Variants in SEH1L observed in about 807,000 individuals in gnomAD.
The protein encoded by SEH1L is nucleoporin SEH1.
Under a neutral mutation model 49.5 loss-of-function variants are expected in SEH1L, and 18 were observed. The observed-to-expected ratio is 0.36, with a 90% CI of 0.25 to 0.54. The LOEUF is 0.54. SEH1L is among the 20% of genes least tolerant of loss of function. SEH1L has a pLI of 0.87. For synonymous variants in SEH1L, 169 were observed against 178.1 expected (o/e 0.95, Z 0.41); for missense variants, 404 against 528.8 (o/e 0.76, Z 2.31).
chr18:12,948,109 C>A lies in SEH1L; in HGVS notation c.-13C>A. 1 of 1,602,490 alleles carries A rather than the reference C, an allele frequency of 6.2e-7. No individual in the cohort carries two copies. On this transcript the variant is annotated 5_prime_UTR_variant, in exon 1 of 9. Transcript: ENST00000399892. Reference sequence around the variant, plus strand: ...CCACTGTCCTCTTCGGAGGCGCGGGCCCGACGGAAACCATGTTTGTGGCTC... The same window carrying A: ...CCACTGTCCTCTTCGGAGGCGCGGGACCGACGGAAACCATGTTTGTGGCTC...
intron 5 of SEH1L, 28 bp downstream of exon 5, chr18:12,971,279 G>C: frequency 7.5e-7 from 1 of 1,328,092 alleles, no homozygotes; most frequent in Non-Finnish European, 1.1e-6. Flanking sequence ...TTTAATAATT[G>C]TTCAGAATTG....
intron 3 of SEH1L, among the ~76,000 whole-genome samples, chr18:12,961,957 C>T (rs1364041256): frequency 6.6e-6 from 1 of 152,180 alleles, no homozygotes; most frequent in Non-Finnish European, 1.5e-5. Context: ...TGAGCTACTG[C>T]ACCTGAGCTT....
At chr18:12,959,393 G>C (rs2031062477) in intron 3 of SEH1L, among the ~76,000 whole-genome samples, 2 of 152,132 alleles carry the variant, frequency 1.3e-5, no homozygotes, top group South Asian at 4.1e-4. Flanking sequence ...AGTTGCCCAG[G>C]CTGGTCTTGA....
chr18:12,962,465 T>TC (rs1394549313), intron 3 of SEH1L, among the ~76,000 whole-genome samples: 6 of 122,684 alleles, frequency 4.9e-5, no homozygotes, highest in African/African-American at 1.6e-4. Flanking sequence ...CTTTCTTTTT[T>TC]TTTTTTTTTT....
chr18:12,980,942 G>A (rs1278763485), intron 6 of SEH1L, among the ~76,000 whole-genome samples: 5 of 150,672 alleles, frequency 3.3e-5, no homozygotes, highest in Non-Finnish European at 7.4e-5. Context: ...CTCCCTCCCG[G>A]ACGGGGTGGC....
Position 12,975,972 on chromosome 18 carries a change from T to C in SEH1L, c.621-2780T>C, listed in dbSNP as rs149480857. On this transcript the variant is annotated intron_variant, in intron 5 of 8. Transcript: ENST00000399892. ...AGGAGTGAATGTGGTAAGCACAATT[T>C]ATTTCAGACATATGTTTGAGGTGCG... is the stretch of plus-strand genomic sequence containing the variant. The C allele has an allele frequency of 1.9e-4, 131 of 675,548 alleles. No homozygotes were observed. The African/African-American group carries it at 2.4e-3, about 12-fold the overall frequency. 41.8% of individuals were successfully genotyped at this position (675,548 alleles called of 1,614,324 possible). A position where few individuals can be genotyped will look rare whatever the true frequency, so the allele number is the denominator to read the frequency against.
At chr18:12,956,187 G>A (rs987407652) in intron 3 of SEH1L, among the ~76,000 whole-genome samples, 12 of 151,880 alleles carry the variant, frequency 7.9e-5, no homozygotes, top group African/African-American at 2.7e-4. Flanking sequence ...TGGGACTACA[G>A]GCGCCCGCCA....
intron 2 of SEH1L, among the ~76,000 whole-genome samples, chr18:12,952,192 TAA>T (rs71174156): frequency 4.2e-5 from 6 of 142,302 alleles, no homozygotes; most frequent in Admixed American, 1.4e-4. Flanking sequence ...AGTTTTCTCT[TAA>T]AAAAAAAAAA....
Position 12,985,955 on chromosome 18 carries a change from T to A in SEH1L, c.1071-907T>A, listed in dbSNP as rs190896682. 4.0e-5 allele frequency: 36 copies of A among 901,094 alleles called. No individual in the cohort carries two copies. In the African/African-American group the frequency reaches 6.2e-4, roughly 15 times the overall value. 55.8% of individuals were successfully genotyped at this position (901,094 alleles called of 1,614,324 possible). ...TGGAAACACTTTTTTTATAAGTTTT[T>A]AATTCATAGTCACTAAAGAGATAAA... On this transcript the variant is annotated intron_variant, in intron 8 of 8. Coordinates refer to ENST00000399892, the MANE Select transcript of SEH1L (RefSeq NM_001013437.2).
Position 12,984,345 on chromosome 18 carries a change from A to G in SEH1L, c.1070+155A>G, listed in dbSNP as rs2032387468. 6 of 799,802 alleles carry G rather than the reference A, an allele frequency of 7.5e-6. No homozygotes were observed. In the South Asian group the frequency reaches 1.0e-4, roughly 14 times the overall value. 49.5% of individuals were successfully genotyped at this position (799,802 alleles called of 1,614,324 possible). On this transcript the variant is annotated intron_variant, in intron 8 of 8. Transcript: ENST00000399892. ...TAAGAATTCATTTTGTTAGCTATGT[A>G]TTTGGCTTACTTGGTCATAATATTT...
At chr18:12,982,427 A>C (rs2145669197) in intron 6 of SEH1L, 91 bp from the exon 7 acceptor site, 2 of 910,278 alleles carry the variant, frequency 2.2e-6, no homozygotes, top group Non-Finnish European at 3.2e-6. Flanking sequence ...ATTAATTTAG[A>C]ATTTTACGTG....
At chr18:12,948,288 T>G in intron 1 of SEH1L, 56 bp downstream of exon 1, 3 of 1,230,566 alleles carry the variant, frequency 2.4e-6, no homozygotes, top group Non-Finnish European at 3.5e-6. Context: ...GGGGAGTGGG[T>G]GGGCGGCGCG....
chr18:12,968,869 G>T (rs1442459757), intron 4 of SEH1L, among the ~76,000 whole-genome samples: 1 of 152,134 alleles, frequency 6.6e-6, no homozygotes, highest in Non-Finnish European at 1.5e-5. Flanking sequence ...TTGTACAATT[G>T]AGGTAATCCT....
At chr18:12,978,651 A>T in intron 5 of SEH1L, 101 bp from the exon 6 acceptor site, 1 of 944,500 alleles carries the variant, frequency 1.1e-6, no homozygotes, top group Non-Finnish European at 1.6e-6. Context: ...GGTGAGCACT[A>T]CATGATTGTG....
In SEH1L at chr18:12,948,115, G is replaced by GTT; in HGVS notation, c.-7_-6insTT. On this transcript the variant is annotated 5_prime_UTR_variant, in exon 1 of 9. Coordinates refer to ENST00000399892, the MANE Select transcript of SEH1L (RefSeq NM_001013437.2). ...TCCTCTTCGGAGGCGCGGGCCCGACGGAAACCATGTTTGTGGCTCGCAGCA... is the reference window on the plus strand; with the variant it reads ...TCCTCTTCGGAGGCGCGGGCCCGACGTTGAAACCATGTTTGTGGCTCGCAGCA... 6.2e-7 allele frequency: 1 copy of GTT among 1,608,482 alleles called. No individual in the cohort carries two copies. Among genetic ancestry groups the GTT allele is most frequent in the Non-Finnish European group, 8.5e-7 (1 of 1,177,330 alleles).
At chr18:12,965,014 T>A (rs1344023350) in intron 4 of SEH1L, among the ~76,000 whole-genome samples, 2 of 133,682 alleles carry the variant, frequency 1.5e-5, no homozygotes. Context: ...TCATTCTTTT[T>A]TTTTTTTTTT....
chr18:12,957,571 T>C (rs181131439), intron 3 of SEH1L, among the ~76,000 whole-genome samples: 1 of 152,376 alleles, frequency 6.6e-6, no homozygotes, highest in East Asian at 1.9e-4. Flanking sequence ...AACATTGAAC[T>C]AGATTATATT....
At chr18:12,964,345 C>T (rs2031334981) in intron 4 of SEH1L, 1 of 152,054 alleles carries the variant, frequency 6.6e-6, no homozygotes, top group African/African-American at 2.4e-5. Context: ...AAAGGATTTA[C>T]TTATACCTTT....
intron 3 of SEH1L, among the ~76,000 whole-genome samples, chr18:12,958,452 T>C (rs902038852): frequency 1.1e-4 from 16 of 152,198 alleles, no homozygotes; most frequent in African/African-American, 3.9e-4. Context: ...TGTGTACCCA[T>C]CACTGTTATC....
Sources: allele counts gnomAD v4.1 joint callset (sites outside exome capture counted in the v4.1 genomes callset), GRCh38; gene constraint gnomAD v4.1.1; transcripts MANE v1.5; gene names NCBI Gene and HGNC (gene_info 2026-07-23, HGNC 2026-07-21).